Variants in ANKRD12 observed in about 807,000 individuals in gnomAD.
ANKRD12 encodes the protein ankyrin repeat domain-containing protein 12.
ANKRD12 carries 85 observed loss-of-function variants against 183.4 expected under a neutral mutation model. That is an observed-to-expected ratio of 0.46 (90% CI 0.39 to 0.56). ANKRD12 has a LOEUF of 0.56. Among genes scored for constraint, ANKRD12 ranks in the 20% least tolerant of loss-of-function variants. The pLI is 0.00. For synonymous variants in ANKRD12, 914 were observed against 800.2 expected (o/e 1.14, Z -2.40); for missense variants, 2,405 against 2,357.1 (o/e 1.02, Z -0.42).
chr18:9,139,547 A>G (rs939508261), intron 1 of ANKRD12, among the ~76,000 whole-genome samples: 13 of 152,192 alleles, frequency 8.5e-5, no homozygotes, highest in Non-Finnish European at 1.8e-4. Flanking sequence ...TTTCAGTCCA[A>G]AAAGAGGATG....
rs2040190002 is a variant in ANKRD12, at chr18:9,284,993, T to A, written c.*3867T>A. 1 of 151,206 alleles carries A rather than the reference T, an allele frequency of 6.6e-6. No homozygotes were observed. Among genetic ancestry groups the A allele is most frequent in the Non-Finnish European group, 1.5e-5 (1 of 67,502 alleles). The allele number at this position is 151,206 out of a possible 1,614,324, so 9.4% of individuals were successfully genotyped here. A position where few individuals can be genotyped will look rare whatever the true frequency, so the allele number is the denominator to read the frequency against. On this transcript the variant is annotated 3_prime_UTR_variant, in exon 13 of 13. Coordinates refer to ENST00000262126, the MANE Select transcript of ANKRD12 (RefSeq NM_015208.5). ...AGGCCAAGGCGGGCGGATCACGAGGTCAGGAGATCGAGACCATCCTGGCTA... is the reference window on the plus strand; with the variant it reads ...AGGCCAAGGCGGGCGGATCACGAGGACAGGAGATCGAGACCATCCTGGCTA...
At chr18:9,272,326 G>C (rs551483998) in intron 10 of ANKRD12, among the ~76,000 whole-genome samples, 1 of 152,198 alleles carries the variant, frequency 6.6e-6, no homozygotes, top group East Asian at 1.9e-4. Flanking sequence ...ATTTTGGGAG[G>C]CTGAGGCAGG....
intron 8 of ANKRD12, among the ~76,000 whole-genome samples, chr18:9,236,067 T>C (rs1371995787): frequency 6.6e-6 from 1 of 152,102 alleles, no homozygotes; most frequent in Non-Finnish European, 1.5e-5. Context: ...TTTGTTTAAC[T>C]TAGGAAACAA....
At chr18:9,192,411 T>C (rs1442563061) in intron 2 of ANKRD12, among the ~76,000 whole-genome samples, 2 of 152,188 alleles carry the variant, frequency 1.3e-5, no homozygotes, top group East Asian at 3.9e-4. Flanking sequence ...GATTATAATA[T>C]ATTCTAAGAA....
chr18:9,174,273 T>G (rs1406694796), intron 1 of ANKRD12, among the ~76,000 whole-genome samples: 1 of 152,152 alleles, frequency 6.6e-6, no homozygotes, highest in Non-Finnish European at 1.5e-5. Context: ...TCAAAGCCAG[T>G]GGGTTGAGGT....
intron 12 of ANKRD12, among the ~76,000 whole-genome samples, chr18:9,280,149 G>A (rs2040040914): frequency 6.6e-6 from 1 of 152,136 alleles, no homozygotes; most frequent in African/African-American, 2.4e-5. Flanking sequence ...ATTTTTCCAT[G>A]GGTTGGGGTG....
At chr18:9,199,155 TTAG>T (rs2035021867) in intron 3 of ANKRD12, among the ~76,000 whole-genome samples, 1 of 151,962 alleles carries the variant, frequency 6.6e-6, no homozygotes, top group Non-Finnish European at 1.5e-5. Flanking sequence ...TGAGTCAGGC[TTAG>T]TGGTGTGTGC....
chr18:9,144,325 A>G (rs1012099265), intron 1 of ANKRD12, among the ~76,000 whole-genome samples: 2 of 152,328 alleles, frequency 1.3e-5, no homozygotes, highest in Non-Finnish European at 2.9e-5. Context: ...TTAATCTTCT[A>G]TATGTTACAA....
intron 11 of ANKRD12, among the ~76,000 whole-genome samples, chr18:9,278,642 C>T (rs2039964928): frequency 6.6e-6 from 1 of 152,056 alleles, no homozygotes; most frequent in Non-Finnish European, 1.5e-5. Flanking sequence ...AGTAAAAATA[C>T]AAAAATTAGC....
At chr18:9,143,695 C>G (rs1293242708) in intron 1 of ANKRD12, among the ~76,000 whole-genome samples, 2 of 152,082 alleles carry the variant, frequency 1.3e-5, no homozygotes, top group African/African-American at 4.8e-5. Flanking sequence ...CTCCTGACCT[C>G]GTGATCCACC....
At chr18:9,241,601 GCA>G (rs2037665103) in intron 8 of ANKRD12, among the ~76,000 whole-genome samples, 1 of 152,082 alleles carries the variant, frequency 6.6e-6, no homozygotes, top group Non-Finnish European at 1.5e-5. Context: ...AATTAAATAG[GCA>G]CTTAGGTATC....
At chr18:9,140,841 A>G (rs1017935853) in intron 1 of ANKRD12, among the ~76,000 whole-genome samples, 6 of 152,146 alleles carry the variant, frequency 3.9e-5, no homozygotes, top group African/African-American at 1.4e-4. Context: ...ACTAATAATC[A>G]TAGATAATAT....
chr18:9,180,203 G>T (rs2033602032), intron 1 of ANKRD12, among the ~76,000 whole-genome samples: 1 of 151,942 alleles, frequency 6.6e-6, no homozygotes, highest in Admixed American at 6.6e-5. Context: ...TTATCAATAT[G>T]TAGTATATAA....
intron 8 of ANKRD12, among the ~76,000 whole-genome samples, chr18:9,248,409 T>C (rs2145092623): frequency 6.6e-6 from 1 of 152,352 alleles, no homozygotes; most frequent in South Asian, 2.1e-4. Context: ...TTTCTCAAAA[T>C]GTTGACAGAC....
chr18:9,199,854 T>C (rs2035065328), intron 3 of ANKRD12, among the ~76,000 whole-genome samples: 1 of 152,222 alleles, frequency 6.6e-6, no homozygotes, highest in African/African-American at 2.4e-5. Flanking sequence ...TTTATGTGTT[T>C]AGAGGGATGC....
chr18:9,152,372 A>G (rs781542432), intron 1 of ANKRD12, among the ~76,000 whole-genome samples: 7 of 152,224 alleles, frequency 4.6e-5, no homozygotes, highest in Non-Finnish European at 1.0e-4. Context: ...GAAAGCCAAG[A>G]CTGGGCTCTT....
chr18:9,256,057 G>T lies in ANKRD12; in HGVS notation c.2790G>T (p.Leu930Phe). 6.4e-7 allele frequency: 1 copy of T among 1,559,000 alleles called. No individual in the cohort carries two copies. Reference protein sequence around the residue: ...RHLAESKEKHLMEKKNKQSDN... With the variant: ...RHLAESKEKHFMEKKNKQSDN... The stretch of plus-strand genomic sequence containing the variant: ...TAGCAGAAAGCAAAGAAAAGCACTT[G>T]ATGGAGAAAAAAAATAAACAATCAG... The change falls in exon 9 of 13, where the codon TTG becomes TTT. Residue 930 changes from leucine to phenylalanine, a missense_variant. Transcript: ENST00000262126.
At chr18:9,220,159 C>T (rs1056454825) in intron 7 of ANKRD12, among the ~76,000 whole-genome samples, 2 of 152,042 alleles carry the variant, frequency 1.3e-5, no homozygotes, top group South Asian at 2.1e-4. Context: ...TTACAAATTT[C>T]TAATTTCAGC....
chr18:9,277,473 G>A lies in ANKRD12; in HGVS notation c.5907+1806G>A, dbSNP rs369487923. On this transcript the variant is annotated intron_variant, in intron 11 of 12. Transcript: ENST00000262126. The stretch of plus-strand genomic sequence containing the variant: ...CTCCCGAGTAGCTGGGACTACAGGC[G>A]CCCGCCACCACACCCGGCTAATTTT... Among the ~76,000 whole-genome samples, 43 of 151,388 alleles carry A rather than the reference G, an allele frequency of 2.8e-4. No homozygotes were observed. The South Asian group carries it at 5.4e-3, about 19-fold the overall frequency.
Sources: allele counts gnomAD v4.1 joint callset (sites outside exome capture counted in the v4.1 genomes callset), GRCh38; gene constraint gnomAD v4.1.1; transcripts MANE v1.5; gene names NCBI Gene and HGNC (gene_info 2026-07-23, HGNC 2026-07-21).